PCSK5: variants seen among roughly 807,000 people sequenced by gnomAD.
PCSK5 encodes the protein prohormone convertase 5.
A neutral mutation model predicts 233.2 loss-of-function variants in PCSK5; 129 were observed. That is an observed-to-expected ratio of 0.55 (90% CI 0.48 to 0.64). The LOEUF (loss-of-function observed/expected upper bound fraction) is 0.64. Among genes scored for constraint, PCSK5 ranks in the 30% least tolerant of loss-of-function variants. The pLI is 0.00. For missense variants in PCSK5, 2,076 were observed against 2,430.1 expected (o/e 0.85, Z 3.06); for synonymous variants, 825 against 879.2 (o/e 0.94, Z 1.09).
chr9:76,322,563 A>C (rs886287262), intron 31 of PCSK5, among the ~76,000 whole-genome samples: 2 of 152,164 alleles, frequency 1.3e-5, no homozygotes, highest in African/African-American at 2.4e-5. Flanking sequence ...AATGAACACA[A>C]AAAAAATAAA....
chr9:76,040,961 A>C (rs1477914257), intron 5 of PCSK5, among the ~76,000 whole-genome samples: 1 of 152,168 alleles, frequency 6.6e-6, no homozygotes, highest in Non-Finnish European at 1.5e-5. Context: ...TGCAGTTAAA[A>C]CAAACCACTA....
chr9:76,036,565 T>G (rs1362579941), intron 5 of PCSK5, among the ~76,000 whole-genome samples: 11 of 152,176 alleles, frequency 7.2e-5, no homozygotes, highest in Non-Finnish European at 1.6e-4. Context: ...CTGTTTCAAT[T>G]AAACAACCAA....
At chr9:76,263,655 C>T (rs962604048) in intron 24 of PCSK5, among the ~76,000 whole-genome samples, 3 of 151,812 alleles carry the variant, frequency 2.0e-5, no homozygotes, top group African/African-American at 7.3e-5. Flanking sequence ...GGAGGGATAG[C>T]ATTAGGACAT....
At chr9:76,194,586 A>T (rs2131257616) in intron 20 of PCSK5, 6 of 317,996 alleles carry the variant, frequency 1.9e-5, no homozygotes, top group South Asian at 1.6e-4. Flanking sequence ...GAATGCTGAG[A>T]TGATCTGTTT....
intron 20 of PCSK5, among the ~76,000 whole-genome samples, chr9:76,218,330 T>C (rs1825612111): frequency 6.6e-6 from 1 of 152,170 alleles, no homozygotes; most frequent in South Asian, 2.1e-4. Flanking sequence ...GCCCAATTGC[T>C]TTGCAAGGTC....
At chr9:76,199,109 A>ATT (rs1824813143) in intron 20 of PCSK5, among the ~76,000 whole-genome samples, 1 of 152,236 alleles carries the variant, frequency 6.6e-6, no homozygotes, top group Non-Finnish European at 1.5e-5. Flanking sequence ...ACTTGACAGC[A>ATT]GGGATATGTC....
chr9:75,891,353 G>A lies in PCSK5; in HGVS notation c.172G>A (p.Gly58Arg), dbSNP rs751960421. 1.2e-5 allele frequency: 19 copies of A among 1,564,278 alleles called. No homozygotes were observed. The highest frequency in any genetic ancestry group is 2.8e-5 in the African/African-American group (2 of 71,074). Residue 58 changes from glycine to arginine, a missense_variant, in exon 1 of 38, where the codon GGA (glycine) becomes AGA (arginine). By Grantham distance (125) the Gly-to-Arg change is moderately radical. Around this residue, in one of 6 missense-constraint regions of PCSK5, gnomAD observed 190 missense variants for 216.3 expected, o/e 0.88. Coordinates refer to ENST00000674117, the MANE Select transcript of PCSK5 (RefSeq NM_001372043.1). The part of the protein sequence containing the change: ...PEANRIASKY[G>R]FINIGQIGAL... ...GGCCAACCGTATCGCCAGCAAGTAC[G>A]GATTCATCAACATAGGACAGGTAAC...
chr9:76,293,532 C>A lies in PCSK5; in HGVS notation c.3185+1257C>A, dbSNP rs548124415. 2.0e-5 allele frequency among the ~76,000 whole-genome samples: 3 copies of A among 152,360 alleles called. No homozygotes were observed. The South Asian group carries it at 6.2e-4, about 32-fold the overall frequency. The stretch of plus-strand genomic sequence containing the variant: ...TGGCACGATGTCAGCTCACTGCAAC[C>A]TCTGCCTCCCAAGTTCAAGTGATTC... On this transcript the variant is annotated intron_variant, in intron 25 of 37. Transcript: ENST00000674117.
chr9:75,950,336 G>T (rs376468871), intron 2 of PCSK5, among the ~76,000 whole-genome samples: 4 of 151,888 alleles, frequency 2.6e-5, no homozygotes, highest in East Asian at 3.9e-4. Context: ...AAACCAAAAA[G>T]ACATATTAAC....
intron 2 of PCSK5, among the ~76,000 whole-genome samples, chr9:75,971,331 C>T (rs1825809592): frequency 1.3e-5 from 2 of 152,104 alleles, no homozygotes; most frequent in South Asian, 4.1e-4. Context: ...TCCAGTCTAT[C>T]ATTGATTGGC....
intron 30 of PCSK5, among the ~76,000 whole-genome samples, chr9:76,320,111 G>A (rs984171731): frequency 5.9e-5 from 9 of 151,964 alleles, no homozygotes; most frequent in African/African-American, 2.2e-4. Context: ...GTGGTCCCCC[G>A]AGCCCAGCTG....
Position 76,325,182 on chromosome 9 carries a change from G to A in PCSK5, c.4339+1894G>A, listed in dbSNP as rs188355062. 4.6e-5 allele frequency among the ~76,000 whole-genome samples: 7 copies of A among 152,258 alleles called. No homozygotes were observed. The East Asian group carries it at 1.2e-3, about 25-fold the overall frequency. ...GTGTGGGAGGCAGGCTGTGGAGCTG[G>A]GAATGGCTTCTGGGAGGTGAGAGAC... On this transcript the variant is annotated intron_variant, in intron 32 of 37. Coordinates refer to ENST00000674117, the MANE Select transcript of PCSK5 (RefSeq NM_001372043.1).
At chr9:76,289,274 C>CT (rs1273731947) in intron 24 of PCSK5, among the ~76,000 whole-genome samples, 2 of 152,224 alleles carry the variant, frequency 1.3e-5, no homozygotes, top group East Asian at 1.9e-4. Flanking sequence ...TTTCTGAAGA[C>CT]TTTTTTCCAA....
intron 20 of PCSK5, among the ~76,000 whole-genome samples, chr9:76,204,533 G>A (rs545037846): frequency 1.5e-4 from 22 of 149,122 alleles, no homozygotes; most frequent in African/African-American, 5.0e-4. Flanking sequence ...AGCCTGTCCC[G>A]GTGGCCAAGC....
chr9:75,942,129 G>A (rs1196085456), intron 2 of PCSK5, among the ~76,000 whole-genome samples: 2 of 152,296 alleles, frequency 1.3e-5, no homozygotes, highest in South Asian at 2.1e-4. Context: ...AAAGCGTAGC[G>A]CACTCGTTGC....
chr9:76,128,803 A>T (rs1822627911), intron 9 of PCSK5, among the ~76,000 whole-genome samples: 2 of 152,218 alleles, frequency 1.3e-5, no homozygotes, highest in Non-Finnish European at 2.9e-5. Context: ...GTATTTGGGT[A>T]ATACCAATAC....
intron 10 of PCSK5, among the ~76,000 whole-genome samples, chr9:76,150,011 A>G (rs946565249): frequency 1.3e-5 from 2 of 152,246 alleles, no homozygotes; most frequent in African/African-American, 2.4e-5. Flanking sequence ...CTGTATGTTC[A>G]TACAGAATAT....
At chr9:76,134,559 A>G (rs1393828294) in intron 10 of PCSK5, among the ~76,000 whole-genome samples, 1 of 152,034 alleles carries the variant, frequency 6.6e-6, no homozygotes, top group Non-Finnish European at 1.5e-5. Flanking sequence ...CTCACCTTCT[A>G]TAGGACTACT....
intron 32 of PCSK5, among the ~76,000 whole-genome samples, chr9:76,326,601 T>G (rs895090305): frequency 6.6e-6 from 1 of 152,088 alleles, no homozygotes; most frequent in Non-Finnish European, 1.5e-5. Flanking sequence ...ACTTAGCATC[T>G]CCAGCCTCAA....
Sources: allele counts gnomAD v4.1 joint callset (sites outside exome capture counted in the v4.1 genomes callset), GRCh38; gene constraint gnomAD v4.1.1; regional missense constraint gnomAD v4.1.1; transcripts MANE v1.5; gene names NCBI Gene and HGNC (gene_info 2026-07-23, HGNC 2026-07-21).